Variants in RAB4A observed in about 807,000 individuals in gnomAD.
The protein encoded by RAB4A is ras-related protein Rab-4A.
Under a neutral mutation model 34.5 loss-of-function variants are expected in RAB4A, and 20 were observed. The observed-to-expected ratio is 0.58, with a 90% CI of 0.41 to 0.84. The LOEUF (loss-of-function observed/expected upper bound fraction) is 0.84. RAB4A is among the 40% of genes least tolerant of loss of function. RAB4A has a pLI of 0.00. For synonymous variants in RAB4A, 102 were observed against 100.0 expected, an observed-to-expected ratio of 1.02 and a Z score of -0.12; for missense variants, 228 against 274.5, an observed-to-expected ratio of 0.83 and a Z score of 1.20.
At chr1:229,271,924 GT>G (rs1046473478) in intron 1 of RAB4A, among the ~76,000 whole-genome samples, 1 of 152,072 alleles carries the variant, frequency 6.6e-6, no homozygotes, top group Non-Finnish European at 1.5e-5. Flanking sequence ...CCCTCTCAGT[GT>G]TTTTTAGCCT....
At position 229,305,196 on chromosome 1, in the gene RAB4A, A is replaced by C; in HGVS notation, c.*1403A>C. ...AGATATTTTGAGTTTTGCTTTTTTTATGCCTTGAATATTTTATTTCAAAAA... is the reference window on the plus strand; with the variant it reads ...AGATATTTTGAGTTTTGCTTTTTTTCTGCCTTGAATATTTTATTTCAAAAA... On this transcript the variant is annotated 3_prime_UTR_variant, in exon 8 of 8. Coordinates refer to ENST00000366690, the MANE Select transcript of RAB4A (RefSeq NM_004578.4). 6.2e-7 allele frequency: 1 copy of C among 1,605,658 alleles called. No homozygotes were observed. Among genetic ancestry groups the C allele is most frequent in the Non-Finnish European group, 8.5e-7 (1 of 1,176,826 alleles).
At chr1:229,293,620 C>T (rs1368670508) in intron 3 of RAB4A, among the ~76,000 whole-genome samples, 3 of 152,132 alleles carry the variant, frequency 2.0e-5, no homozygotes, top group African/African-American at 4.8e-5. Flanking sequence ...GCACTGGGAT[C>T]CTCTGGTGAG....
intron 1 of RAB4A, among the ~76,000 whole-genome samples, chr1:229,273,472 G>A (rs1418142891): frequency 2.0e-5 from 3 of 152,224 alleles, no homozygotes; most frequent in Non-Finnish European, 4.4e-5. Flanking sequence ...AGAGGTGATG[G>A]CTCACGCCTG....
chr1:229,298,939 T>G, intron 5 of RAB4A, 38 bp from the exon 6 acceptor site: 1 of 1,468,404 alleles, frequency 6.8e-7, no homozygotes, highest in Non-Finnish European at 9.5e-7. Context: ...ATGATCATCT[T>G]CTAAACATGA....
At chr1:229,271,833 G>A (rs183381089) in intron 1 of RAB4A, among the ~76,000 whole-genome samples, 1 of 152,308 alleles carries the variant, frequency 6.6e-6, no homozygotes, top group African/African-American at 2.4e-5. Flanking sequence ...GCTTTACATT[G>A]GGATTACAGT....
In RAB4A at chr1:229,302,873, C is replaced by T; in HGVS notation, c.553C>T (p.Pro185Ser). 6.2e-7 allele frequency: 1 copy of T among 1,612,774 alleles called. No individual in the cohort carries two copies. The highest frequency in any genetic ancestry group is 8.5e-7 in the Non-Finnish European group (1 of 1,179,394). Residue 185 changes from proline (P) to serine (S), a missense_variant, in exon 7 of 8, where the codon CCA becomes TCA. Pro to Ser is a moderately conservative substitution (Grantham distance 74, BLOSUM62 -1). Coordinates refer to ENST00000366690, the MANE Select transcript of RAB4A (RefSeq NM_004578.4). The part of the protein sequence containing the change: ...LNKIESGELD[P>S]ERMGSGIQYG... The stretch of plus-strand genomic sequence containing the variant: ...TGCTTGGTCCTTAGGTGAGCTGGAC[C>T]CAGAAAGAATGGGCTCAGGTATTCA...
Position 229,271,356 on chromosome 1 carries a change from T to C in RAB4A, c.17T>C (p.Met6Thr), listed in dbSNP as rs1656464786. 2 of 1,282,174 alleles carry C rather than the reference T, an allele frequency of 1.6e-6. No individual in the cohort carries two copies. Among genetic ancestry groups the C allele is most frequent in the Non-Finnish European group, 2.0e-6 (2 of 1,015,232 alleles). 79.4% of individuals were successfully genotyped at this position (1,282,174 alleles called of 1,614,324 possible). A position where few individuals can be genotyped will look rare whatever the true frequency, so the allele number is the denominator to read the frequency against. MSQTA[M>T]SETYDFLFKF... Reference sequence around the variant, plus strand: ...GCTCCCAAGATGTCGCAGACGGCCATGTCCGAAACCTACGGTACGAGGCCC... The same window carrying C: ...GCTCCCAAGATGTCGCAGACGGCCACGTCCGAAACCTACGGTACGAGGCCC... Residue 6 changes from methionine (M) to threonine (T), a missense_variant, in exon 1 of 8, where the codon ATG (methionine) becomes ACG (threonine). Transcript: ENST00000366690.
chr1:229,296,321 CCT>C (rs1454690257), intron 4 of RAB4A, among the ~76,000 whole-genome samples: 1 of 152,150 alleles, frequency 6.6e-6, no homozygotes, highest in Non-Finnish European at 1.5e-5. Flanking sequence ...GCTGATTGAC[CCT>C]CTCAGGCCAG....
intron 1 of RAB4A, among the ~76,000 whole-genome samples, chr1:229,281,565 C>T (rs996495846): frequency 6.6e-6 from 1 of 151,908 alleles, no homozygotes; most frequent in Non-Finnish European, 1.5e-5. Context: ...TTAGGTCATG[C>T]TTTTTAAGTC....
rs116335010 is a variant in RAB4A at position 229,301,065 on chromosome 1, G to A, written c.542-1797G>A. On this transcript the variant is annotated intron_variant, in intron 6 of 7. Coordinates refer to ENST00000366690, the MANE Select transcript of RAB4A (RefSeq NM_004578.4). The stretch of plus-strand genomic sequence containing the variant: ...TGAGCTGAAAAACACACATTGGGAT[G>A]GGGAATAGAAAGTCAGTGATCATTT... 6.6e-3 allele frequency among the ~76,000 whole-genome samples: 1,004 copies of A among 152,230 alleles called. 14 individuals are homozygous for A. Among genetic ancestry groups the A allele is most frequent in the African/African-American group, 0.023 (963 of 41,536 alleles).
chr1:229,286,469 C>T lies in RAB4A; in HGVS notation c.32-17C>T. ...ACTATTTTGAAGTTATTTTCACAGT[C>T]TCTTTTTATCTTTCAGATTTTTTGT... On this transcript the variant is annotated splice_polypyrimidine_tract_variant and intron_variant, in intron 1 of 7. Transcript: ENST00000366690. The T allele has an allele frequency of 6.8e-7, 1 of 1,476,374 alleles. No homozygotes were observed. Among genetic ancestry groups the T allele is most frequent in the Non-Finnish European group, 9.3e-7 (1 of 1,078,494 alleles). The allele number at this position is 1,476,374 out of a possible 1,614,324, so 91.5% of individuals were successfully genotyped here. A position where few individuals can be genotyped will look rare whatever the true frequency, so the allele number is the denominator to read the frequency against.
chr1:229,275,171 C>G (rs1004749834), intron 1 of RAB4A, among the ~76,000 whole-genome samples: 4 of 152,104 alleles, frequency 2.6e-5, no homozygotes. Context: ...ATGAGGTCAT[C>G]GTACTGAATT....
At chr1:229,284,324 C>T (rs923386104) in intron 1 of RAB4A, among the ~76,000 whole-genome samples, 1 of 151,892 alleles carries the variant, frequency 6.6e-6, no homozygotes, top group African/African-American at 2.4e-5. Flanking sequence ...GTCTCGAACT[C>T]CTGACTGAGG....
chr1:229,291,728 G>C (rs1166025922), intron 3 of RAB4A, among the ~76,000 whole-genome samples: 1 of 152,132 alleles, frequency 6.6e-6, no homozygotes, highest in Non-Finnish European at 1.5e-5. Flanking sequence ...CGCTTGTGGA[G>C]AGTAGGGCTC....
intron 6 of RAB4A, among the ~76,000 whole-genome samples, chr1:229,302,303 ATATATATT>A (rs1194456859): frequency 9.1e-4 from 36 of 39,648 alleles, no homozygotes; most frequent in East Asian, 2.6e-3. Context: ...ATATATATAT[ATATATATT>A]TTTTTTTTTT....
At chr1:229,284,652 C>T (rs765798009) in intron 1 of RAB4A, among the ~76,000 whole-genome samples, 12 of 152,060 alleles carry the variant, frequency 7.9e-5, no homozygotes, top group Non-Finnish European at 7.4e-5. Context: ...CTTTTACAGT[C>T]TTCATGTGTA....
intron 3 of RAB4A, 139 bp from the exon 4 acceptor site, chr1:229,295,707 CTT>C (rs1354005460): frequency 2.0e-5 from 15 of 748,682 alleles, no homozygotes; most frequent in African/African-American, 7.0e-5. Context: ...GTTCAAATAT[CTT>C]TGAATCATTT....
chr1:229,303,359 GA>G (rs869299981), intron 7 of RAB4A, among the ~76,000 whole-genome samples: 46 of 138,078 alleles, frequency 3.3e-4, no homozygotes, highest in South Asian at 4.5e-4. Context: ...AACTGTCTCA[GA>G]AAAAAAAAAA....
At chr1:229,303,669 A>G (rs957165320) in intron 7 of RAB4A, 137 bp from the exon 8 acceptor site, 1 of 152,236 alleles carries the variant, frequency 6.6e-6, no homozygotes. Context: ...CGTTTTATTT[A>G]TAGTCGACAT....
Sources: gnomAD v4.1 joint callset for allele counts (sites outside exome capture counted in the v4.1 genomes callset) on GRCh38, gnomAD v4.1.1 for gene constraint, MANE v1.5 for transcripts, NCBI Gene and HGNC (gene_info 2026-07-23, HGNC 2026-07-21) for gene names.